The following MUC6 variants were observed in gnomAD, a reference collection of about 807,000 sequenced individuals.
MUC6 encodes the protein mucin 6, oligomeric mucus/gel-forming (gene/pseudogene), also known as mucin-6.
Under a neutral mutation model 201.5 loss-of-function variants are expected in MUC6, and 188 were observed. The observed-to-expected ratio is 0.93, with a 90% CI of 0.83 to 1.05. MUC6 has a LOEUF of 1.05. Among genes scored for constraint, MUC6 ranks in the 50% least tolerant of loss-of-function variants. MUC6 has a pLI of 0.00. For synonymous variants in MUC6, 1,228 were observed against 1,389.4 expected (o/e 0.88, Z 2.58); for missense variants, 2,706 against 3,256.9 (o/e 0.83, Z 4.12).
chr11:1,023,960 G>A lies in MUC6; in HGVS notation c.3369C>T (p.Thr1123=). ...GTGGTCACTCACGGCAGAAGGCCGG[G>A]GTCCTCCAGTCCACGCACACACCCT... ...LDKGVCVDWR[T]PAFCPIYCGF... is the part of the protein sequence containing the mutation. The change falls in exon 25 of 33, where the codon ACC becomes ACT. Residue 1123 remains threonine (T), a synonymous_variant. Transcript: ENST00000421673. 6.2e-7 allele frequency: 1 copy of A among 1,612,518 alleles called. No homozygotes were observed. The highest frequency in any genetic ancestry group is 2.2e-5 in the East Asian group (1 of 44,874).
chr11:1,027,193 G>A lies in MUC6; in HGVS notation c.2232C>T (p.Cys744=). The change falls in exon 18 of 33, where the codon TGC becomes TGT. Residue 744 remains cysteine, a splice_region_variant and synonymous_variant. Coordinates refer to ENST00000421673, the MANE Select transcript of MUC6 (RefSeq NM_005961.3). ...EQSTVINGIT[C]HCINGRLSCP... is the part of the protein sequence containing the mutation. Reference sequence around the variant, plus strand: ...AACTCAGCCGCCCGTTGATGCAGTGGCTGCAAGAGAGAGGCTGCGTGAGAC... The same window carrying A: ...AACTCAGCCGCCCGTTGATGCAGTGACTGCAAGAGAGAGGCTGCGTGAGAC... The A allele has an allele frequency of 6.2e-7, 1 of 1,612,380 alleles. No homozygotes were observed. Among genetic ancestry groups the A allele is most frequent in the African/African-American group, 1.3e-5 (1 of 75,046 alleles).
At chr11:1,014,634 G>A (rs963950379) in intron 31 of MUC6, among the ~76,000 whole-genome samples, 2 of 152,204 alleles carry the variant, frequency 1.3e-5, no homozygotes, top group Non-Finnish European at 2.9e-5. Context: ...ATTAGAAACC[G>A]CCACTGGAGA....
chr11:1,016,279 G>A lies in MUC6; in HGVS notation c.6522C>T (p.Thr2174=), dbSNP rs763387668. 1 of 1,612,880 alleles carries A rather than the reference G, an allele frequency of 6.2e-7. No homozygotes were observed. Among genetic ancestry groups the A allele is most frequent in the African/African-American group, 1.3e-5 (1 of 74,856 alleles). Residue 2174 remains threonine (T), a synonymous_variant, in exon 31 of 33, where the codon ACC becomes ACT. Coordinates refer to ENST00000421673, the MANE Select transcript of MUC6 (RefSeq NM_005961.3). ...SFVSAPVHST[T]LSSGSHSSLS... is the part of the protein sequence containing the mutation. ...ATGAGGAGTGTGACCCCGAGCTCAG[G>A]GTTGTGGAGTGCACGGGGGCGGACA...
At position 1,022,367 on chromosome 11, in the gene MUC6, C is replaced by T. The variant is rs557705740; in HGVS notation, c.3527-1090G>A. Among the ~76,000 whole-genome samples the T allele has an allele frequency of 3.3e-3, 504 of 151,344 alleles. 3 individuals carry two copies. The highest frequency in any genetic ancestry group is 0.01 in the African/African-American group (424 of 41,198). ...ACCGCTCCCTCTGCCCTCTGCAGCC[C>T]GCGCCCCTCACTCGCTGGCTCTGCC... On this transcript the variant is annotated intron_variant, in intron 26 of 32. Coordinates refer to ENST00000421673, the MANE Select transcript of MUC6 (RefSeq NM_005961.3).
Position 1,016,207 on chromosome 11 carries a change from A to G in MUC6, c.6594T>C (p.Phe2198=). 1.2e-6 allele frequency: 2 copies of G among 1,613,116 alleles called. No individual in the cohort carries two copies. The highest frequency in any genetic ancestry group is 1.1e-5 in the South Asian group (1 of 90,996). ...TAGTAGAGGCAGCTGGAGAAGAAGG[A>G]AAAAGAGGAGATGCAGACACTGATG... ...TTASVSASPL[F]PSSPAASTTI... is the part of the protein sequence containing the mutation. The change falls in exon 31 of 33, where the codon TTT becomes TTC. Residue 2198 remains phenylalanine (F), a synonymous_variant. Coordinates refer to ENST00000421673, the MANE Select transcript of MUC6 (RefSeq NM_005961.3).
chr11:1,036,495 G>C, intron 1 of MUC6, 109 bp downstream of exon 1: 1 of 1,265,774 alleles, frequency 7.9e-7, no homozygotes, highest in Non-Finnish European at 1.1e-6. Context: ...CCGTCCATCA[G>C]CGTCCATGTG....
At position 1,013,519 on chromosome 11, in the gene MUC6, C is replaced by A; in HGVS notation, c.7257G>T (p.Arg2419=). The A allele has an allele frequency of 6.3e-7, 1 of 1,582,236 alleles. No individual in the cohort carries two copies. Among genetic ancestry groups the A allele is most frequent in the Non-Finnish European group, 8.6e-7 (1 of 1,165,720 alleles). The change falls in exon 33 of 33, where the codon CGG becomes CGT. Residue 2419 remains arginine, a synonymous_variant. Coordinates refer to ENST00000421673, the MANE Select transcript of MUC6 (RefSeq NM_005961.3). The part of the protein sequence containing the change: ...PCPDPSTPGR[R]LVLTLQVFSH... Reference sequence around the variant, plus strand: ...TGAACACCTGCAGGGTGAGTACGAGCCGCCGGCCAGGCGTGCTGGGATCGG... The same window carrying A: ...TGAACACCTGCAGGGTGAGTACGAGACGCCGGCCAGGCGTGCTGGGATCGG...
chr11:1,023,416 G>A, intron 26 of MUC6, 93 bp downstream of exon 26: 3 of 1,416,756 alleles, frequency 2.1e-6, no homozygotes, highest in East Asian at 2.5e-5. Flanking sequence ...GAATGAATGT[G>A]TGAATGAATG....
intron 4 of MUC6, 51 bp downstream of exon 4, chr11:1,031,556 G>T: frequency 1.3e-6 from 2 of 1,532,534 alleles, no homozygotes; most frequent in South Asian, 1.2e-5. Context: ...AGTCCCACCT[G>T]CCCCCCCGTG....
chr11:1,024,812 G>A lies in MUC6; in HGVS notation c.3225+32C>T, dbSNP rs549372159. The stretch of plus-strand genomic sequence containing the variant: ...GCCCCCACCGGACATTTGTGGAGGG[G>A]CAGGCGCACAGCCCTCGTGCCCGGT... On this transcript the variant is annotated intron_variant, in intron 24 of 32. Coordinates refer to ENST00000421673, the MANE Select transcript of MUC6 (RefSeq NM_005961.3). The A allele has an allele frequency of 5.0e-6, 8 of 1,595,334 alleles. No individual in the cohort carries two copies. In the African/African-American group the frequency reaches 5.4e-5, roughly 11 times the overall value.
chr11:1,030,860 G>A, intron 6 of MUC6, 80 bp from the exon 7 acceptor site: 1 of 1,528,364 alleles, frequency 6.5e-7, no homozygotes, highest in Non-Finnish European at 8.8e-7. Flanking sequence ...CAGGGCGTCT[G>A]TGATGCGGCT....
At chr11:1,034,905 C>A (rs1857183299) in intron 1 of MUC6, among the ~76,000 whole-genome samples, 1 of 152,236 alleles carries the variant, frequency 6.6e-6, no homozygotes, top group African/African-American at 2.4e-5. Context: ...AAGTCGGCTG[C>A]CTCCAGCTCT....
chr11:1,023,899 G>C (rs763649643), intron 25 of MUC6, 48 bp downstream of exon 25: 2 of 1,595,390 alleles, frequency 1.3e-6, no homozygotes, highest in African/African-American at 1.3e-5. Context: ...CCTTAGTGGC[G>C]CTGGGTGGCA....
intron 25 of MUC6, 98 bp downstream of exon 25, chr11:1,023,849 A>T: frequency 6.7e-7 from 1 of 1,494,396 alleles, no homozygotes; most frequent in Non-Finnish European, 9.0e-7. Flanking sequence ...GCGCCTGTCC[A>T]GGGAGAGGGG....
rs1426531243 is a variant in MUC6, at chr11:1,031,587, C to G, written c.483+20G>C. ...CCGTGCTGCGGGTCTCCAGGCCCACCCTGGCCCTTCTCTCCTCACCATGAG... is the reference window on the plus strand; with the variant it reads ...CCGTGCTGCGGGTCTCCAGGCCCACGCTGGCCCTTCTCTCCTCACCATGAG... On this transcript the variant is annotated intron_variant, in intron 4 of 32. Transcript: ENST00000421673. 1 of 1,545,340 alleles carries G rather than the reference C, an allele frequency of 6.5e-7. No individual in the cohort carries two copies. The highest frequency in any genetic ancestry group is 1.2e-5 in the South Asian group (1 of 83,964).
intron 27 of MUC6, 91 bp from the exon 28 acceptor site, chr11:1,020,825 G>T: frequency 6.8e-7 from 1 of 1,474,786 alleles, no homozygotes; most frequent in Non-Finnish European, 9.3e-7. Context: ...AGTCAGAGAT[G>T]CTCACCAAGG....
chr11:1,027,305 G>A lies in MUC6; in HGVS notation c.2194C>T (p.Leu732=), dbSNP rs756511167. The A allele has an allele frequency of 8.1e-6, 13 of 1,612,722 alleles. No individual in the cohort carries two copies. In the East Asian group the frequency reaches 1.3e-4, roughly 17 times the overall value. The change falls in exon 17 of 33, where the codon CTG becomes TTG. Residue 732 remains leucine (L), a synonymous_variant. Coordinates refer to ENST00000421673, the MANE Select transcript of MUC6 (RefSeq NM_005961.3). ...PCILEGYKFI[L]AEQSTVINGI... is the part of the protein sequence containing the mutation. ...TTGATGACAGTGGACTGCTCGGCCA[G>A]GATGAACTTGTAACCCTCCAGTATG...
At position 1,018,714 on chromosome 11, in the gene MUC6, G is replaced by C. The variant is rs371302246; in HGVS notation, c.4087C>G (p.Arg1363Gly). ...CCTGTGGTGCTTGCTGGGGTTGGAC[G>C]TGGGCCTGTCGTCTGGGTGGCCGTT... ...GTTATQTTGP[R>G]PTPASTTGPT... The change falls in exon 31 of 33, where the codon CGT (arginine) becomes GGT (glycine). Residue 1363 changes from arginine to glycine, a missense_variant. By Grantham distance (125) the Arg-to-Gly change is moderately radical. Coordinates refer to ENST00000421673, the MANE Select transcript of MUC6 (RefSeq NM_005961.3). 1 of 1,598,034 alleles carries C rather than the reference G, an allele frequency of 6.3e-7. No homozygotes were observed. Among genetic ancestry groups the C allele is most frequent in the East Asian group, 2.2e-5 (1 of 44,684 alleles).
At chr11:1,019,972 A>T (rs1418265934) in intron 29 of MUC6, 118 bp downstream of exon 29, 2 of 1,296,334 alleles carry the variant, frequency 1.5e-6, no homozygotes, top group East Asian at 2.5e-5. Context: ...CTACGCTGGG[A>T]ATCTGCTTAG....
Sources: allele counts gnomAD v4.1 joint callset (sites outside exome capture counted in the v4.1 genomes callset), GRCh38; gene constraint gnomAD v4.1.1; transcripts MANE v1.5; gene names NCBI Gene and HGNC (gene_info 2026-07-23, HGNC 2026-07-21).